The following ZNF521 variants were observed in gnomAD, a reference collection of about 807,000 sequenced individuals.
ZNF521 encodes zinc finger protein 521, also known as LYST-interacting protein 3.
In ZNF521, 14 loss-of-function variants were observed where a neutral mutation model predicts 105.5. That is an observed-to-expected ratio of 0.13 (90% confidence interval 0.09 to 0.21). The LOEUF (loss-of-function observed/expected upper bound fraction) is 0.21, where lower values mean the gene tolerates loss of function less well. Ranked by LOEUF, ZNF521 falls within the 10% of genes least tolerant of loss-of-function variation. The pLI, the probability that ZNF521 is intolerant of heterozygous loss-of-function variation, is 1.00. For synonymous variants in ZNF521, 635 were observed against 606.0 expected, an observed-to-expected ratio of 1.05 and a Z score of -0.70; for missense variants, 1,233 against 1,629.7, an observed-to-expected ratio of 0.76 and a Z score of 4.19.
chr18:25,174,392 A>G (rs1280397140), intron 5 of ZNF521, among the ~76,000 whole-genome samples: 1 of 152,174 alleles, frequency 6.6e-6, no homozygotes, highest in African/African-American at 2.4e-5. Context: ...ATCGTTACAC[A>G]TTATATCACT....
rs544988682 is a variant in ZNF521 at position 25,158,615 on chromosome 18, A to G, written c.3658+36545T>C. 4.6e-5 allele frequency among the ~76,000 whole-genome samples: 7 copies of G among 152,262 alleles called. No individual in the cohort carries two copies. In the South Asian group the frequency reaches 1.5e-3, roughly 32 times the overall value. ...TGTAAAACAGTTGAGGATGCTAAAGAACACAGGGAAGGAAGAAGAAAAGGA... is the reference window on the plus strand; with the variant it reads ...TGTAAAACAGTTGAGGATGCTAAAGGACACAGGGAAGGAAGAAGAAAAGGA... On this transcript the variant is annotated intron_variant, in intron 5 of 7. Transcript: ENST00000361524.
At chr18:25,267,818 T>C (rs1181256290) in intron 3 of ZNF521, among the ~76,000 whole-genome samples, 2 of 151,824 alleles carry the variant, frequency 1.3e-5, no homozygotes, top group Admixed American at 6.6e-5. Context: ...TCCATGAAAA[T>C]GGGGAGAAAC....
rs541665630 is a variant in ZNF521, at chr18:25,342,029, G to A, written c.40+8878C>T. On this transcript the variant is annotated intron_variant, in intron 2 of 7. Coordinates refer to ENST00000361524, the MANE Select transcript of ZNF521 (RefSeq NM_015461.3). Reference sequence around the variant, plus strand: ...CAGAAAGTCTAAATCCTAGAGTACAGAGGGTAAATGGCTTGCCAAAACACA... The same window carrying A: ...CAGAAAGTCTAAATCCTAGAGTACAAAGGGTAAATGGCTTGCCAAAACACA... 1.3e-4 allele frequency among the ~76,000 whole-genome samples: 20 copies of A among 152,310 alleles called. No homozygotes were observed. In the East Asian group the frequency reaches 3.7e-3, roughly 28 times the overall value.
At chr18:25,260,239 T>C (rs1161886481) in intron 3 of ZNF521, among the ~76,000 whole-genome samples, 2 of 152,024 alleles carry the variant, frequency 1.3e-5, no homozygotes, top group Non-Finnish European at 2.9e-5. Context: ...AAAAAAGAAA[T>C]GCTAAAATAA....
intron 7 of ZNF521, among the ~76,000 whole-genome samples, chr18:25,081,886 G>C (rs970450404): frequency 1.3e-5 from 2 of 152,192 alleles, no homozygotes; most frequent in Non-Finnish European, 1.5e-5. Context: ...ACTGAGGTTA[G>C]CTTAGCCATG....
At position 25,076,082 on chromosome 18, in the gene ZNF521, C is replaced by T. The variant is rs1001333992; in HGVS notation, c.3907-13341G>A. Among the ~76,000 whole-genome samples, 7 of 152,210 alleles carry T rather than the reference C, an allele frequency of 4.6e-5. No homozygotes were observed. The South Asian group carries it at 1.0e-3, about 23-fold the overall frequency. ...CTAAGCATCATGATCTTGAGAGATC[C>T]CAGTAATGAACCACTCCTTTCCTGC... is the stretch of plus-strand genomic sequence containing the variant. On this transcript the variant is annotated intron_variant, in intron 7 of 7. Coordinates refer to ENST00000361524, the MANE Select transcript of ZNF521 (RefSeq NM_015461.3).
At chr18:25,159,501 G>A (rs982066771) in intron 5 of ZNF521, among the ~76,000 whole-genome samples, 2 of 138,654 alleles carry the variant, frequency 1.4e-5, no homozygotes, top group African/African-American at 5.4e-5. Context: ...GAGGAGAAAC[G>A]ACTAACACTA....
intron 3 of ZNF521, among the ~76,000 whole-genome samples, chr18:25,279,674 T>C (rs921849086): frequency 1.3e-5 from 2 of 152,182 alleles, no homozygotes; most frequent in Non-Finnish European, 2.9e-5. Context: ...GGAATGTAAA[T>C]AGAAAATGTT....
chr18:25,116,006 A>G (rs2034293818), intron 5 of ZNF521, among the ~76,000 whole-genome samples: 1 of 152,208 alleles, frequency 6.6e-6, no homozygotes. Context: ...AAGGTGGTAA[A>G]AAGACCAAAT....
Position 25,224,519 on chromosome 18 carries a change from C to A in ZNF521, c.3399G>T (p.Val1133=), listed in dbSNP as rs781676165. Reference sequence around the variant, plus strand: ...TAGAGCAGCGTGTCTTCAGTCCCCCCACCTTGCCTTTCCCCTCAATGGCAC... The same window carrying A: ...TAGAGCAGCGTGTCTTCAGTCCCCCAACCTTGCCTTTCCCCTCAATGGCAC... ...NLSAIEGKGK[V]GGLKTRCSSC... The change falls in exon 4 of 8, where the codon GTG becomes GTT. Residue 1133 remains valine (V), a synonymous_variant. Coordinates refer to ENST00000361524, the MANE Select transcript of ZNF521 (RefSeq NM_015461.3). The A allele has an allele frequency of 2.5e-6, 4 of 1,613,946 alleles. No homozygotes were observed. The highest frequency in any genetic ancestry group is 2.5e-6 in the Non-Finnish European group (3 of 1,180,020).
intron 5 of ZNF521, among the ~76,000 whole-genome samples, chr18:25,169,565 T>A (rs898252279): frequency 6.6e-6 from 1 of 152,196 alleles, no homozygotes; most frequent in African/African-American, 2.4e-5. Flanking sequence ...TAGTTTAAAA[T>A]AATTAAATAC....
At chr18:25,102,090 T>C (rs2033976344) in intron 5 of ZNF521, among the ~76,000 whole-genome samples, 1 of 152,112 alleles carries the variant, frequency 6.6e-6, no homozygotes, top group South Asian at 2.1e-4. Context: ...GCTTTTATGT[T>C]TGAAGAAAAA....
chr18:25,343,658 C>A (rs1272146530), intron 2 of ZNF521, among the ~76,000 whole-genome samples: 1 of 152,136 alleles, frequency 6.6e-6, no homozygotes, highest in Non-Finnish European at 1.5e-5. Flanking sequence ...CAAACCAAAT[C>A]ATCTTTATTT....
chr18:25,229,873 A>G (rs1221873347), intron 3 of ZNF521, among the ~76,000 whole-genome samples: 3 of 152,220 alleles, frequency 2.0e-5, no homozygotes, highest in Non-Finnish European at 4.4e-5. Context: ...AAAATTGAGC[A>G]AGTGAATTTA....
At chr18:25,204,297 AT>A (rs1388889410) in intron 4 of ZNF521, among the ~76,000 whole-genome samples, 1 of 152,214 alleles carries the variant, frequency 6.6e-6, no homozygotes, top group African/African-American at 2.4e-5. Flanking sequence ...AAGTTGAGCC[AT>A]TTTTAAAATG....
At chr18:25,229,203 T>C (rs1172581337) in intron 3 of ZNF521, among the ~76,000 whole-genome samples, 2 of 152,210 alleles carry the variant, frequency 1.3e-5, no homozygotes, top group Non-Finnish European at 2.9e-5. Flanking sequence ...TTTTACTAGA[T>C]TGTCAGCCTC....
At chr18:25,089,335 G>T in intron 7 of ZNF521, 130 bp downstream of exon 7, 1 of 680,070 alleles carries the variant, frequency 1.5e-6, no homozygotes, top group Non-Finnish European at 2.5e-6. Flanking sequence ...TTTTCCCTTT[G>T]CCCCCAATAC....
At chr18:25,247,351 A>G (rs972905736) in intron 3 of ZNF521, among the ~76,000 whole-genome samples, 1 of 152,220 alleles carries the variant, frequency 6.6e-6, no homozygotes, top group African/African-American at 2.4e-5. Context: ...TGAACCTTAA[A>G]GAATAAGCAG....
At chr18:25,203,352 C>T (rs1005808248) in intron 4 of ZNF521, among the ~76,000 whole-genome samples, 1 of 152,114 alleles carries the variant, frequency 6.6e-6, no homozygotes, top group Non-Finnish European at 1.5e-5. Context: ...TGTGGTGGCT[C>T]ATGCCTATAA....
Sources: gnomAD v4.1 joint callset for allele counts (sites outside exome capture counted in the v4.1 genomes callset) on GRCh38, gnomAD v4.1.1 for gene constraint, MANE v1.5 for transcripts, NCBI Gene and HGNC (gene_info 2026-07-23, HGNC 2026-07-21) for gene names.